The following HYDIN variants were observed in gnomAD, a reference collection of about 807,000 sequenced individuals.
The protein encoded by HYDIN is axonemal central pair apparatus protein HYDIN.
HYDIN carries 132 observed loss-of-function variants against 403.9 expected under a neutral mutation model. The observed-to-expected ratio is 0.33, with a 90% CI of 0.28 to 0.38. The LOEUF is 0.38. HYDIN is among the 10% of genes least tolerant of loss of function. The pLI is 1.00. For synonymous variants in HYDIN, 1,202 were observed against 1,891.7 expected (o/e 0.64, Z 9.46); for missense variants, 2,827 against 5,009.5 (o/e 0.56, Z 13.15).
At chr16:71,088,194 C>A (rs1277684943) in intron 12 of HYDIN, 107 bp downstream of exon 12, 2 of 390,924 alleles carry the variant, frequency 5.1e-6, no homozygotes, top group Non-Finnish European at 9.3e-6. Context: ...GTGTTCATAT[C>A]AACAAAGATA....
intron 53 of HYDIN, among the ~76,000 whole-genome samples, chr16:70,900,673 G>T (rs1048788993): frequency 6.7e-6 from 1 of 150,148 alleles, no homozygotes; most frequent in Admixed American, 6.6e-5. Flanking sequence ...GTGAAATCAG[G>T]ACTCTGATGC....
chr16:71,068,377 G>A (rs903276577), intron 14 of HYDIN, among the ~76,000 whole-genome samples: 1 of 151,922 alleles, frequency 6.6e-6, no homozygotes, highest in African/African-American at 2.4e-5. Context: ...GATCAGGAGG[G>A]AAAACTGGAG....
chr16:71,175,562 A>G, intron 5 of HYDIN, 45 bp downstream of exon 5: 4 of 1,601,580 alleles, frequency 2.5e-6, no homozygotes, highest in Non-Finnish European at 3.4e-6. Context: ...TTGAACTGCA[A>G]TCTGCCAGTA....
chr16:71,161,655 T>C (rs2086005999), intron 6 of HYDIN, among the ~76,000 whole-genome samples: 1 of 152,092 alleles, frequency 6.6e-6, no homozygotes, highest in Non-Finnish European at 1.5e-5. Flanking sequence ...TTAAAAGCCC[T>C]TGTTGGTTAC....
At chr16:70,851,235 A>T (rs1172186501) in intron 73 of HYDIN, among the ~76,000 whole-genome samples, 1 of 146,258 alleles carries the variant, frequency 6.8e-6, no homozygotes, top group Admixed American at 6.8e-5. Flanking sequence ...AAAGAGTAAG[A>T]AAGGAAAAAA....
At chr16:70,819,784 T>C (rs1465533752) in intron 83 of HYDIN, among the ~76,000 whole-genome samples, 1 of 151,710 alleles carries the variant, frequency 6.6e-6, no homozygotes, top group Non-Finnish European at 1.5e-5. Flanking sequence ...TACTTTCAAC[T>C]TCTTTGTGTC....
chr16:70,947,727 T>C (rs934339435), intron 41 of HYDIN, among the ~76,000 whole-genome samples: 2 of 151,578 alleles, frequency 1.3e-5, no homozygotes, highest in African/African-American at 4.9e-5. Flanking sequence ...GAGAATAAAA[T>C]ACCTAGGAAT....
At chr16:71,067,793 C>A (rs978385032) in intron 14 of HYDIN, among the ~76,000 whole-genome samples, 1 of 151,940 alleles carries the variant, frequency 6.6e-6, no homozygotes, top group African/African-American at 2.4e-5. Context: ...AGCACAAGTT[C>A]TCTTACAGTA....
chr16:70,960,027 A>C (rs1379072710), intron 38 of HYDIN, among the ~76,000 whole-genome samples: 3 of 152,278 alleles, frequency 2.0e-5, no homozygotes, highest in Admixed American at 6.5e-5. Context: ...AAATAAAAAA[A>C]CAGATTTTTT....
Position 70,828,468 on chromosome 16 carries a change from A to G in HYDIN, c.14113-39T>C, listed in dbSNP as rs772585764. 42 of 1,561,944 alleles carry G rather than the reference A, an allele frequency of 2.7e-5. No homozygotes were observed. The Middle Eastern group carries it at 6.9e-4, about 26-fold the overall frequency. ...GGATGTGATCAGAATGCCACACAGC[A>G]TTCTTTACTAGGTACTTATTGGACA... On this transcript the variant is annotated intron_variant, in intron 81 of 85. Coordinates refer to ENST00000393567, the MANE Select transcript of HYDIN (RefSeq NM_001270974.2).
At chr16:71,180,495 A>C (rs1265088778) in intron 3 of HYDIN, among the ~76,000 whole-genome samples, 2 of 152,132 alleles carry the variant, frequency 1.3e-5, no homozygotes, top group Non-Finnish European at 2.9e-5. Flanking sequence ...CAAAAAAATG[A>C]AATGTTTCCC....
chr16:71,069,424 TC>T lies in HYDIN; in HGVS notation c.1816del (p.Asp606MetfsTer30), dbSNP rs1219581364. 6.2e-7 allele frequency: 1 copy of T among 1,613,940 alleles called. No homozygotes were observed. The highest frequency in any genetic ancestry group is 8.5e-7 in the Non-Finnish European group (1 of 1,179,996). On this transcript the variant is annotated frameshift_variant, in exon 14 of 86. Transcript: ENST00000393567. LOFTEE classifies it high-confidence loss of function. ...PMTYKLRIPG[D>X]GLGHKSISYC... ...TGAAATGCTTTTATGGCCAAGGCCA[TC>T]CCCAGGGATACGCAGTTTGTAAGTC... is the stretch of plus-strand genomic sequence containing the variant.
intron 3 of HYDIN, among the ~76,000 whole-genome samples, chr16:71,180,311 G>C (rs2086845135): frequency 6.6e-6 from 1 of 151,860 alleles, no homozygotes; most frequent in African/African-American, 2.4e-5. Flanking sequence ...ATCAAAACTG[G>C]CACAAGAAGA....
chr16:70,892,929 G>T (rs780044229), intron 55 of HYDIN, among the ~76,000 whole-genome samples: 2 of 152,170 alleles, frequency 1.3e-5, no homozygotes, highest in Admixed American at 6.5e-5. Flanking sequence ...CAGCAGGGAG[G>T]GGGCAGGGGT....
chr16:70,946,387 T>C (rs894556477), intron 41 of HYDIN, among the ~76,000 whole-genome samples: 5 of 150,352 alleles, frequency 3.3e-5, no homozygotes, highest in Non-Finnish European at 5.9e-5. Flanking sequence ...CTTGAATAGA[T>C]GCAGAGCTGA....
At chr16:71,187,994 T>A (rs1482955142) in intron 1 of HYDIN, among the ~76,000 whole-genome samples, 1 of 152,184 alleles carries the variant, frequency 6.6e-6, no homozygotes, top group East Asian at 1.9e-4. Context: ...AAAGCTCAGG[T>A]GTTCCTTCCT....
At chr16:71,220,714 G>C (rs2089157679) in intron 1 of HYDIN, among the ~76,000 whole-genome samples, 1 of 152,196 alleles carries the variant, frequency 6.6e-6, no homozygotes, top group East Asian at 1.9e-4. Context: ...ACCAGACTAG[G>C]AGAGAGAGTG....
chr16:70,809,015 CTG>C (rs2035285069), intron 85 of HYDIN, among the ~76,000 whole-genome samples: 1 of 152,310 alleles, frequency 6.6e-6, no homozygotes, highest in African/African-American at 2.4e-5. Context: ...TATGCCCAGA[CTG>C]TTATTTGTGA....
intron 41 of HYDIN, among the ~76,000 whole-genome samples, chr16:70,949,314 G>T (rs1384647686): frequency 8.1e-6 from 1 of 124,158 alleles, no homozygotes; most frequent in Non-Finnish European, 1.7e-5. Context: ...GTTGTGGGGT[G>T]GGGGGAGGGG....
Sources: gnomAD v4.1 joint callset for allele counts (sites outside exome capture counted in the v4.1 genomes callset) on GRCh38, gnomAD v4.1.1 for gene constraint, MANE v1.5 for transcripts, NCBI Gene and HGNC (gene_info 2026-07-23, HGNC 2026-07-21) for gene names.